CLCN1: variants seen among roughly 807,000 people sequenced by gnomAD.
CLCN1 encodes the protein chloride voltage-gated channel 1.
In CLCN1, 100 loss-of-function variants were observed where a neutral mutation model predicts 114.5. The ratio of observed to expected loss-of-function variants is 0.87; its 90% CI spans 0.74 to 1.03. The LOEUF (loss-of-function observed/expected upper bound fraction) is 1.03, where lower values mean the gene tolerates loss of function less well. CLCN1 is among the 50% of genes least tolerant of loss of function. CLCN1 has a pLI of 0.00. For missense variants in CLCN1, 1,188 were observed against 1,250.0 expected (o/e 0.95, Z 0.75); for synonymous variants, 485 against 487.1 (o/e 1.00, Z 0.06).
chr7:143,322,983 C>T (rs1344289251), intron 5 of CLCN1, among the ~76,000 whole-genome samples: 3 of 152,206 alleles, frequency 2.0e-5, no homozygotes, highest in Non-Finnish European at 2.9e-5. Context: ...TTTTCTCAGC[C>T]TGGAACATTC....
chr7:143,324,175 C>T lies in CLCN1; in HGVS notation c.775-239C>T, dbSNP rs1286763087. On this transcript the variant is annotated intron_variant, in intron 6 of 22. Coordinates refer to ENST00000343257, the MANE Select transcript of CLCN1 (RefSeq NM_000083.3). The surrounding 1 kb of genome is among the most constrained non-coding windows in gnomAD (Gnocchi z 4.6). ...ACGTGCCTGGCATATATTTGCCTAA[C>T]TTTTATTTCATTTTCTACCTTCTAT... 6.6e-6 allele frequency among the ~76,000 whole-genome samples: 1 copy of T among 152,176 alleles called. No homozygotes were observed. The highest frequency in any genetic ancestry group is 6.5e-5 in the Admixed American group (1 of 15,276).
chr7:143,339,556 T>C lies in CLCN1; in HGVS notation c.1517T>C (p.Phe506Ser). The C allele has an allele frequency of 6.2e-7, 1 of 1,614,042 alleles. No homozygotes were observed. Among genetic ancestry groups the C allele is most frequent in the Middle Eastern group, 1.6e-4 (1 of 6,062 alleles). Residue 506 changes from phenylalanine (F) to serine (S), a missense_variant, in exon 14 of 23, where the codon TTT becomes TCT. Coordinates refer to ENST00000343257, the MANE Select transcript of CLCN1 (RefSeq NM_000083.3). The surrounding 1 kb of genome is among the most constrained non-coding windows in gnomAD (Gnocchi z 4.1). ...RLVGEIMAMLFPDGILFDDII... is the reference protein window; with the variant it reads ...RLVGEIMAMLSPDGILFDDII... ...GTAGGAGAAATCATGGCCATGCTCT[T>C]TCCTGATGGTATTTTGTTTGATGAC...
rs369773321 is a variant in CLCN1, at chr7:143,321,720, G to A, written c.568G>A (p.Gly190Arg). 3.3e-5 allele frequency: 54 copies of A among 1,614,102 alleles called. No individual in the cohort carries two copies. The highest frequency in any genetic ancestry group is 4.5e-5 in the Non-Finnish European group (53 of 1,180,034). The change falls in exon 5 of 23, where the codon GGA becomes AGA. Residue 190 changes from glycine (G) to arginine (R), a missense_variant. Transcript: ENST00000343257. This position sits in a 1 kb window ranked among gnomAD's most constrained non-coding sequence, Gnocchi z 4.2. ...HLISPQAVGS[G>R]IPEMKTILRG... ...TAATCTTTCAACGCTTTTAGGCTCT[G>A]GAATCCCCGAAATGAAGACAATACT... is the stretch of plus-strand genomic sequence containing the variant.
intron 10 of CLCN1, 44 bp from the exon 11 acceptor site, chr7:143,332,375 G>A (rs1191585922): frequency 1.4e-6 from 2 of 1,438,940 alleles, no homozygotes; most frequent in East Asian, 2.3e-5. Context: ...GGTATTTACT[G>A]TGAGTTGGCT....
intron 2 of CLCN1, 97 bp downstream of exon 2, chr7:143,319,972 C>A (rs1236913635): frequency 9.2e-6 from 12 of 1,304,516 alleles, no homozygotes; most frequent in Non-Finnish European, 1.3e-5. Context: ...GTACTCCCTG[C>A]CCTGCTACAA....
At position 143,339,672 on chromosome 7, in the gene CLCN1, C is replaced by T. The variant is rs1176358602; in HGVS notation, c.1582+51C>T. 4.5e-6 allele frequency: 5 copies of T among 1,118,648 alleles called. No individual in the cohort carries two copies. The South Asian group carries it at 6.2e-5, about 14-fold the overall frequency. The allele number at this position is 1,118,648 out of a possible 1,614,324, so 69.3% of individuals were successfully genotyped here. A position where few individuals can be genotyped will look rare whatever the true frequency, so the allele number is the denominator to read the frequency against. ...AATCAAACATTGAGTACTTCAGATC[C>T]CCACACTTAAACTCTCCCATTGGAT... On this transcript the variant is annotated intron_variant, in intron 14 of 22. Transcript: ENST00000343257. This position sits in a 1 kb window ranked among gnomAD's most constrained non-coding sequence, Gnocchi z 4.1.
intron 16 of CLCN1, among the ~76,000 whole-genome samples, chr7:143,343,370 A>C (rs1303242135): frequency 6.6e-6 from 1 of 152,226 alleles, no homozygotes; most frequent in East Asian, 1.9e-4. Flanking sequence ...AATAGACTAC[A>C]AAATGAACAC....
At position 143,350,744 on chromosome 7, in the gene CLCN1, TC is replaced by T; in HGVS notation, c.2595+91del. The T allele has an allele frequency of 1.1e-6, 1 of 900,640 alleles. No individual in the cohort carries two copies. Among genetic ancestry groups the T allele is most frequent in the South Asian group, 1.4e-5 (1 of 71,258 alleles). The allele number at this position is 900,640 out of a possible 1,614,324, so 55.8% of individuals were successfully genotyped here. On this transcript the variant is annotated intron_variant, in intron 22 of 22. Coordinates refer to ENST00000343257, the MANE Select transcript of CLCN1 (RefSeq NM_000083.3). The surrounding 1 kb of genome is among the most constrained non-coding windows in gnomAD (Gnocchi z 5.1). Reference sequence around the variant, plus strand: ...TGGGGACAGAAGGAATATTAGCATCTCAGAAGTCCCCTCAGATTCCCTTCTC... The same window carrying T: ...TGGGGACAGAAGGAATATTAGCATCTAGAAGTCCCCTCAGATTCCCTTCTC...
Position 143,320,654 on chromosome 7 carries a change from C to A in CLCN1, c.302-10C>A, listed in dbSNP as rs1802404646. On this transcript the variant is annotated splice_polypyrimidine_tract_variant and intron_variant, in intron 2 of 22. Coordinates refer to ENST00000343257, the MANE Select transcript of CLCN1 (RefSeq NM_000083.3). Reference sequence around the variant, plus strand: ...TTTGTTTGTTTGTTTTTTCCCTCATCTCTTCCTAGATTGTATCCACCGCCT... The same window carrying A: ...TTTGTTTGTTTGTTTTTTCCCTCATATCTTCCTAGATTGTATCCACCGCCT... The A allele has an allele frequency of 6.2e-7, 1 of 1,610,494 alleles. No homozygotes were observed. Among genetic ancestry groups the A allele is most frequent in the Non-Finnish European group, 8.5e-7 (1 of 1,177,762 alleles).
At chr7:143,317,300 G>C (rs1282714697) in intron 1 of CLCN1, among the ~76,000 whole-genome samples, 1 of 145,702 alleles carries the variant, frequency 6.9e-6, no homozygotes. Flanking sequence ...CCAGGCTGGA[G>C]TGCAGTGGTG....
chr7:143,331,600 G>A lies in CLCN1; in HGVS notation c.1114G>A (p.Val372Ile), dbSNP rs112058663. The A allele has an allele frequency of 2.5e-6, 4 of 1,614,060 alleles. No individual in the cohort carries two copies. Among genetic ancestry groups the A allele is most frequent in the African/African-American group, 2.7e-5 (2 of 74,930 alleles). Residue 372 changes from valine to isoleucine, a missense_variant, in exon 10 of 23, where the codon GTC becomes ATC. Val to Ile is a conservative substitution (Grantham distance 29). Transcript: ENST00000343257. ...GAVFVYLHRQ[V>I]MLGVRKHKAL... is the part of the protein sequence containing the mutation. Reference sequence around the variant, plus strand: ...TGTATTTGTGTATCTGCATCGCCAAGTCATGCTCGGTGTCCGAAAGCACAA... The same window carrying A: ...TGTATTTGTGTATCTGCATCGCCAAATCATGCTCGGTGTCCGAAAGCACAA...
In CLCN1 at chr7:143,351,758, G is replaced by A. The variant is rs1202862020; in HGVS notation, c.2760G>A (p.Gly920=). ...ACAGGCCTGGGGCCACTGGAACAGGGGATGTGATTGCTGCCTCCCCAGAGA... is the reference window on the plus strand; with the variant it reads ...ACAGGCCTGGGGCCACTGGAACAGGAGATGTGATTGCTGCCTCCCCAGAGA... The part of the protein sequence containing the change: ...PEDRPGATGT[G]DVIAASPETP... Residue 920 remains glycine, a synonymous_variant, in exon 23 of 23, where the codon GGG becomes GGA. Coordinates refer to ENST00000343257, the MANE Select transcript of CLCN1 (RefSeq NM_000083.3). 1 of 1,614,184 alleles carries A rather than the reference G, an allele frequency of 6.2e-7. No homozygotes were observed. The highest frequency in any genetic ancestry group is 2.2e-5 in the East Asian group (1 of 44,862).
chr7:143,323,556 G>A lies in CLCN1; in HGVS notation c.774+170G>A, dbSNP rs2272256. 150,984 of 709,302 alleles carry A rather than the reference G, an allele frequency of 0.21. 16,698 individuals are homozygous for A. The highest frequency in any genetic ancestry group is 0.28 in the Middle Eastern group (1,219 of 4,304). 43.9% of individuals were successfully genotyped at this position (709,302 alleles called of 1,614,324 possible). A position where few individuals can be genotyped will look rare whatever the true frequency, so the allele number is the denominator to read the frequency against. On this transcript the variant is annotated intron_variant, in intron 6 of 22. Transcript: ENST00000343257. ...CTCCCTGTCTGCCTACCCTGGCCAC[G>A]TGATGCCTCTGTTTAGCCTGTGCCT...
intron 2 of CLCN1, 101 bp from the exon 3 acceptor site, chr7:143,320,554 TCTCTCTCTC>T: frequency 7.0e-6 from 1 of 143,536 alleles, no homozygotes; most frequent in African/African-American, 4.6e-5. Flanking sequence ...TAGCTGCTTT[TCTCTCTCTC>T]TCTCTCTCTC....
Position 143,346,188 on chromosome 7 carries a change from C to G in CLCN1, c.2221C>G (p.Pro741Ala). 6.2e-7 allele frequency: 1 copy of G among 1,613,832 alleles called. No individual in the cohort carries two copies. Among genetic ancestry groups the G allele is most frequent in the Non-Finnish European group, 8.5e-7 (1 of 1,179,832 alleles). ...CCCCTCTACTACTGCCCCTCTGTCC[C>G]CAGAAGAGCCCAATGGGCCTCTGCC... ...LHPSTTAPLS[P>A]EEPNGPLPGH... is the part of the protein sequence containing the mutation. The change falls in exon 18 of 23, where the codon CCA (proline) becomes GCA (alanine). Residue 741 changes from proline (P) to alanine (A), a missense_variant. Physicochemically the swap from Pro to Ala is conservative, Grantham distance 27. Coordinates refer to ENST00000343257, the MANE Select transcript of CLCN1 (RefSeq NM_000083.3).
rs112068131 is a variant in CLCN1 at position 143,350,465 on chromosome 7, A to G, written c.2497A>G (p.Thr833Ala). 7.4e-6 allele frequency: 12 copies of G among 1,613,900 alleles called. No homozygotes were observed. The highest frequency in any genetic ancestry group is 5.3e-5 in the African/African-American group (4 of 75,028). ...QSPFQLVEQT[T>A]LHKTHTLFSL... ...TCCCTTCCAGCTGGTGGAGCAGACAACCCTGCACAAGGTGAGTCTTTTGCT... is the reference window on the plus strand; with the variant it reads ...TCCCTTCCAGCTGGTGGAGCAGACAGCCCTGCACAAGGTGAGTCTTTTGCT... Residue 833 changes from threonine (T) to alanine (A), a missense_variant, in exon 21 of 23, where the codon ACC becomes GCC. Physicochemically the swap from Thr to Ala is moderately conservative, Grantham distance 58. Coordinates refer to ENST00000343257, the MANE Select transcript of CLCN1 (RefSeq NM_000083.3). The surrounding 1 kb of genome is among the most constrained non-coding windows in gnomAD (Gnocchi z 5.1).
At position 143,346,327 on chromosome 7, in the gene CLCN1, G is replaced by C. The variant is rs1202406904; in HGVS notation, c.2284+76G>C. 6.9e-6 allele frequency: 7 copies of C among 1,017,414 alleles called. No individual in the cohort carries two copies. In the African/African-American group the frequency reaches 1.1e-4, roughly 16 times the overall value. The allele number at this position is 1,017,414 out of a possible 1,614,324, so 63.0% of individuals were successfully genotyped here. On this transcript the variant is annotated intron_variant, in intron 18 of 22. Coordinates refer to ENST00000343257, the MANE Select transcript of CLCN1 (RefSeq NM_000083.3). ...GGTCACTAGGACCTGACCTTGACCT[G>C]CATGCAATTCCTATGCGGGGTGGGG...
Position 143,350,570 on chromosome 7 carries a change from T to C in CLCN1, c.2511T>C (p.Thr837=). 1 of 1,614,070 alleles carries C rather than the reference T, an allele frequency of 6.2e-7. No homozygotes were observed. The highest frequency in any genetic ancestry group is 8.5e-7 in the Non-Finnish European group (1 of 1,179,940). The part of the protein sequence containing the change: ...QLVEQTTLHK[T]HTLFSLLGLH... ...TGACCTGTGCTCTTCATCCTCAGAC[T>C]CATACCCTGTTTTCACTCCTTGGCC... The change falls in exon 22 of 23, where the codon ACT becomes ACC. Residue 837 remains threonine, a splice_region_variant and synonymous_variant. Coordinates refer to ENST00000343257, the MANE Select transcript of CLCN1 (RefSeq NM_000083.3). This position sits in a 1 kb window ranked among gnomAD's most constrained non-coding sequence, Gnocchi z 5.1.
chr7:143,328,233 T>C (rs1390415154), intron 7 of CLCN1, among the ~76,000 whole-genome samples: 37 of 37,678 alleles, frequency 9.8e-4, no homozygotes, highest in Non-Finnish European at 1.7e-3. Context: ...CATATAGGTG[T>C]AGTTGTGGCA....
Sources: allele counts gnomAD v4.1 joint callset (sites outside exome capture counted in the v4.1 genomes callset), GRCh38; gene constraint gnomAD v4.1.1; non-coding constraint Gnocchi (gnomAD v3.1); transcripts MANE v1.5; gene names NCBI Gene and HGNC (gene_info 2026-07-23, HGNC 2026-07-21).